Variants in IKZF3 observed in about 807,000 individuals in gnomAD.
IKZF3 encodes the protein IKAROS family zinc finger 3, also known as zinc finger protein Aiolos.
IKZF3 carries 10 observed loss-of-function variants against 49.0 expected under a neutral mutation model. The ratio of observed to expected loss-of-function variants is 0.20; its 90% CI spans 0.13 to 0.35. IKZF3 has a LOEUF of 0.35. Ranked by LOEUF, IKZF3 falls within the 10% of genes least tolerant of loss-of-function variation. The pLI is 1.00. For synonymous variants in IKZF3, 209 were observed against 228.2 expected (o/e 0.92, Z 0.76); for missense variants, 498 against 664.8 (o/e 0.75, Z 2.76).
intron 1 of IKZF3, among the ~76,000 whole-genome samples, chr17:39,849,079 A>T (rs2062718072): frequency 6.6e-6 from 1 of 152,212 alleles, no homozygotes; most frequent in Admixed American, 6.5e-5. Context: ...CATCAAATAG[A>T]TTAAGAAAAA....
intron 3 of IKZF3, among the ~76,000 whole-genome samples, chr17:39,802,050 GTC>G (rs1567997197): frequency 6.6e-6 from 1 of 151,616 alleles, no homozygotes; most frequent in Non-Finnish European, 1.5e-5. Flanking sequence ...GTGAAACCCT[GTC>G]TCTACTAAAA....
intron 7 of IKZF3, 41 bp from the exon 8 acceptor site, chr17:39,766,534 C>T (rs370156804): frequency 4.0e-5 from 60 of 1,495,352 alleles, no homozygotes; most frequent in Non-Finnish European, 4.9e-5. Context: ...GGAACACTGC[C>T]AAGGCAGAGA....
intron 6 of IKZF3, among the ~76,000 whole-genome samples, chr17:39,779,167 A>C (rs1344650466): frequency 1.3e-5 from 2 of 152,196 alleles, no homozygotes; most frequent in African/African-American, 4.8e-5. Flanking sequence ...TTTATGTCTA[A>C]AGTTCAAAGA....
chr17:39,771,725 G>A lies in IKZF3; in HGVS notation c.827-5232C>T, dbSNP rs73302113. Among the ~76,000 whole-genome samples the A allele has an allele frequency of 4.4e-3, 671 of 152,140 alleles. 5 individuals are homozygous for A. Among genetic ancestry groups the A allele is most frequent in the African/African-American group, 0.015 (638 of 41,478 alleles). ...GAGAACACAGGGGTGTGGGAATGTG[G>A]ACAATGTGTGCTTCTTTTTATTTTT... On this transcript the variant is annotated intron_variant, in intron 7 of 7. Coordinates refer to ENST00000346872, the MANE Select transcript of IKZF3 (RefSeq NM_012481.5).
intron 1 of IKZF3, among the ~76,000 whole-genome samples, chr17:39,849,834 G>T (rs1249580535): frequency 6.6e-6 from 1 of 151,540 alleles, no homozygotes; most frequent in African/African-American, 2.4e-5. Context: ...ACACCCAAAA[G>T]AATGGTAAAA....
chr17:39,803,577 G>A (rs939437083), intron 3 of IKZF3, among the ~76,000 whole-genome samples: 8 of 150,148 alleles, frequency 5.3e-5, no homozygotes, highest in Non-Finnish European at 1.0e-4. Context: ...GCAATGGCGC[G>A]ATCTCGGCTC....
At chr17:39,790,255 C>T (rs1041678529) in intron 5 of IKZF3, among the ~76,000 whole-genome samples, 8 of 152,170 alleles carry the variant, frequency 5.3e-5, no homozygotes, top group Non-Finnish European at 7.3e-5. Flanking sequence ...AAAAATGTTA[C>T]GTTTCTGCAT....
intron 6 of IKZF3, among the ~76,000 whole-genome samples, chr17:39,784,081 T>G (rs769586770): frequency 6.6e-5 from 10 of 152,242 alleles, no homozygotes; most frequent in Admixed American, 1.3e-4. Context: ...CTATTGAAGA[T>G]GAAAAGTTTG....
intron 3 of IKZF3, among the ~76,000 whole-genome samples, chr17:39,799,000 T>C (rs1598043627): frequency 6.6e-6 from 1 of 150,832 alleles, no homozygotes; most frequent in Non-Finnish European, 1.5e-5. Context: ...TGTGTGCGTG[T>C]GTGTGTGTGT....
intron 7 of IKZF3, among the ~76,000 whole-genome samples, chr17:39,768,548 G>A (rs188176842): frequency 6.6e-6 from 1 of 152,218 alleles, no homozygotes; most frequent in Admixed American, 6.5e-5. Context: ...AGATGGGCTG[G>A]GTTTGATGCT....
chr17:39,851,070 T>G (rs34073687), intron 1 of IKZF3, among the ~76,000 whole-genome samples: 79,351 of 147,340 alleles, frequency 0.54, 21,640 homozygotes, highest in African/African-American at 0.62. Context: ...TATATATATA[T>G]AGAGAGAGAG....
intron 3 of IKZF3, among the ~76,000 whole-genome samples, chr17:39,814,549 G>C (rs1356590252): frequency 1.3e-5 from 2 of 152,162 alleles, no homozygotes; most frequent in Non-Finnish European, 2.9e-5. Context: ...GATGTAATTA[G>C]TTAAGATGAG....
chr17:39,830,626 G>A (rs1467930903), intron 2 of IKZF3, among the ~76,000 whole-genome samples: 2 of 152,220 alleles, frequency 1.3e-5, no homozygotes, highest in Non-Finnish European at 2.9e-5. Flanking sequence ...TATAGGCATA[G>A]TAGCTTAACA....
Position 39,760,893 on chromosome 17 carries a change from G to A in IKZF3, c.*4897C>T, listed in dbSNP as rs964486995. The A allele has an allele frequency of 6.6e-6, 1 of 152,260 alleles. No individual in the cohort carries two copies. The highest frequency in any genetic ancestry group is 2.4e-5 in the African/African-American group (1 of 41,464). 9.4% of individuals were successfully genotyped at this position (152,260 alleles called of 1,614,324 possible). The stretch of plus-strand genomic sequence containing the variant: ...TGGCTGGGCGCAGTGGCTCTTGCCT[G>A]TAGTTCCAGCACTTTGGGAGGCTGA... On this transcript the variant is annotated 3_prime_UTR_variant, in exon 8 of 8. Coordinates refer to ENST00000346872, the MANE Select transcript of IKZF3 (RefSeq NM_012481.5).
chr17:39,848,929 C>T (rs2062712973), intron 1 of IKZF3, among the ~76,000 whole-genome samples: 3 of 152,104 alleles, frequency 2.0e-5, no homozygotes, highest in Non-Finnish European at 2.9e-5. Context: ...ATGATCCTCC[C>T]GCTTTACCCT....
At chr17:39,786,438 C>T (rs532385596) in intron 6 of IKZF3, among the ~76,000 whole-genome samples, 2 of 152,216 alleles carry the variant, frequency 1.3e-5, no homozygotes, top group South Asian at 2.1e-4. Flanking sequence ...ACAGTGAGAG[C>T]TTTGCCTATT....
At chr17:39,776,909 C>A (rs976327540) in intron 7 of IKZF3, among the ~76,000 whole-genome samples, 3 of 152,220 alleles carry the variant, frequency 2.0e-5, no homozygotes, top group African/African-American at 7.2e-5. Context: ...CACCAACTTT[C>A]AATTTATAGC....
chr17:39,857,605 A>G (rs1230262951), intron 1 of IKZF3, among the ~76,000 whole-genome samples: 1 of 152,188 alleles, frequency 6.6e-6, no homozygotes, highest in Non-Finnish European at 1.5e-5. Flanking sequence ...CAATACTTCA[A>G]TCTCTTCTAC....
intron 2 of IKZF3, among the ~76,000 whole-genome samples, chr17:39,829,769 T>G (rs543306099): frequency 1.3e-5 from 2 of 152,172 alleles, no homozygotes; most frequent in East Asian, 3.9e-4. Context: ...CTGGCCAACA[T>G]GGTGAAACCC....
Sources: allele counts gnomAD v4.1 joint callset (sites outside exome capture counted in the v4.1 genomes callset), GRCh38; gene constraint gnomAD v4.1.1; transcripts MANE v1.5; gene names NCBI Gene and HGNC (gene_info 2026-07-23, HGNC 2026-07-21).